NFIA: variants seen among roughly 807,000 people sequenced by gnomAD.
NFIA encodes the protein nuclear factor I A.
NFIA carries 8 observed loss-of-function variants against 62.8 expected under a neutral mutation model. That is an observed-to-expected ratio of 0.13 (90% CI 0.07 to 0.23). NFIA has a LOEUF of 0.23. NFIA is among the 10% of genes least tolerant of loss of function. NFIA has a pLI of 1.00. For synonymous variants in NFIA, 235 were observed against 238.1 expected, an observed-to-expected ratio of 0.99 and a Z score of 0.12; for missense variants, 410 against 642.1, an observed-to-expected ratio of 0.64 and a Z score of 3.91.
At chr1:61,421,021 C>A (rs950716760) in intron 9 of NFIA, among the ~76,000 whole-genome samples, 1 of 152,186 alleles carries the variant, frequency 6.6e-6, no homozygotes, top group South Asian at 2.1e-4. Flanking sequence ...TGCCTCTGTT[C>A]CTCCAATTGT....
intron 2 of NFIA, among the ~76,000 whole-genome samples, chr1:61,273,064 T>C (rs114303837): frequency 0.017 from 2,650 of 152,250 alleles, 59 homozygotes; most frequent in Non-Finnish European, 0.021. Flanking sequence ...TTGGTTGCTA[T>C]CGTGTTGATG....
chr1:61,383,126 G>C, intron 6 of NFIA, 111 bp from the exon 7 acceptor site: 2 of 1,346,916 alleles, frequency 1.5e-6, no homozygotes, highest in Non-Finnish European at 2.1e-6. Context: ...TTCATTCACA[G>C]GTGGATTTCT....
At chr1:61,455,173 T>C (rs1668242107) in intron 10 of NFIA, 130 bp from the exon 11 acceptor site, 1 of 839,482 alleles carries the variant, frequency 1.2e-6, no homozygotes, top group Non-Finnish European at 1.9e-6. Context: ...CTGTCGTGCC[T>C]TTACTTTTCC....
chr1:61,424,859 C>T (rs999570396), intron 9 of NFIA, among the ~76,000 whole-genome samples: 3 of 152,128 alleles, frequency 2.0e-5, no homozygotes, highest in Non-Finnish European at 4.4e-5. Context: ...TTAAATTACC[C>T]CCATACCAGT....
At chr1:61,346,417 T>C (rs1662230362) in intron 4 of NFIA, among the ~76,000 whole-genome samples, 1 of 152,236 alleles carries the variant, frequency 6.6e-6, no homozygotes, top group Admixed American at 6.5e-5. Context: ...TTTATTAGTT[T>C]CTTAATTTTC....
rs869046737 is a variant in NFIA, at chr1:61,347,165, C to CTTTTTTT, written c.701-5265_701-5259dup. ...TATTCAGAAACTGTCCTGGATCCCA[C>CTTTTTTT]TTTTTTTTTTTTTTTTTTTTTTTTT... On this transcript the variant is annotated intron_variant, in intron 4 of 10. Transcript: ENST00000403491. 3.5e-3 allele frequency among the ~76,000 whole-genome samples: 245 copies of CTTTTTTT among 70,132 alleles called. 18 individuals are homozygous for CTTTTTTT. Among genetic ancestry groups the CTTTTTTT allele is most frequent in the African/African-American group, 0.015 (232 of 15,282 alleles). The allele number at this position is 70,132 out of a possible 152,430, so 46.0% of individuals were successfully genotyped here.
intron 1 of NFIA, among the ~76,000 whole-genome samples, chr1:61,084,528 A>G (rs1646184382): frequency 6.6e-6 from 1 of 152,080 alleles, no homozygotes; most frequent in African/African-American, 2.4e-5. Flanking sequence ...TCACAATTGC[A>G]TATGGATAAG....
intron 6 of NFIA, among the ~76,000 whole-genome samples, chr1:61,364,925 G>C (rs1663501966): frequency 6.6e-6 from 1 of 152,168 alleles, no homozygotes; most frequent in Non-Finnish European, 1.5e-5. Context: ...ACTAAAAATA[G>C]AGAACCCTGG....
intron 5 of NFIA, among the ~76,000 whole-genome samples, chr1:61,352,834 A>G (rs1229633594): frequency 1.1e-4 from 16 of 152,134 alleles, no homozygotes. Context: ...CAGGCTAAAA[A>G]TAGTTAAAGA....
At chr1:61,091,513 C>T (rs1248777394) in intron 2 of NFIA, among the ~76,000 whole-genome samples, 1 of 152,100 alleles carries the variant, frequency 6.6e-6, no homozygotes, top group Admixed American at 6.5e-5. Flanking sequence ...ATTTCATAAG[C>T]CTGAGAATTT....
chr1:61,444,530 A>G (rs1481262042), intron 10 of NFIA, among the ~76,000 whole-genome samples: 2 of 152,204 alleles, frequency 1.3e-5, no homozygotes, highest in African/African-American at 4.8e-5. Flanking sequence ...GGAGTGTTTT[A>G]TTTAGTTTAA....
intron 2 of NFIA, among the ~76,000 whole-genome samples, chr1:61,241,431 T>C (rs1259277728): frequency 6.6e-6 from 1 of 152,200 alleles, no homozygotes; most frequent in Admixed American, 6.5e-5. Flanking sequence ...CAAGATTTAT[T>C]GGGGGTTATT....
At position 61,436,413 on chromosome 1, in the gene NFIA, G is replaced by A. The variant is rs569032173; in HGVS notation, c.1512+9857G>A. 2.6e-5 allele frequency among the ~76,000 whole-genome samples: 4 copies of A among 152,194 alleles called. No homozygotes were observed. The East Asian group carries it at 5.8e-4, about 22-fold the overall frequency. ...AAGTCCTTGCTTGTGAAAATCCTAT[G>A]CCCAAGAAATTGGCCTTACCGAATA... On this transcript the variant is annotated intron_variant, in intron 10 of 10. Transcript: ENST00000403491.
chr1:61,089,225 G>A (rs1646273727), intron 2 of NFIA, among the ~76,000 whole-genome samples: 1 of 152,176 alleles, frequency 6.6e-6, no homozygotes. Context: ...GGAATTCTTA[G>A]TGTTGTCTCA....
chr1:61,286,294 T>G (rs1329532864), intron 3 of NFIA, among the ~76,000 whole-genome samples: 1 of 151,436 alleles, frequency 6.6e-6, no homozygotes, highest in Non-Finnish European at 1.5e-5. Flanking sequence ...CGGGTGTGGT[T>G]GCAGGCGCCT....
At chr1:61,416,991 G>C (rs1666377452) in intron 9 of NFIA, among the ~76,000 whole-genome samples, 1 of 151,942 alleles carries the variant, frequency 6.6e-6, no homozygotes, top group Admixed American at 6.6e-5. Context: ...GGAAACCAAA[G>C]CAGGAAAAAG....
chr1:61,141,619 T>G (rs1647540696), intron 2 of NFIA, among the ~76,000 whole-genome samples: 1 of 152,216 alleles, frequency 6.6e-6, no homozygotes, highest in Non-Finnish European at 1.5e-5. Flanking sequence ...GGGAAAAATT[T>G]TATATCCTTT....
rs1397011618 is a variant in NFIA at position 61,359,347 on chromosome 1, G to T, written c.946+73G>T. 43 of 1,596,100 alleles carry T rather than the reference G, an allele frequency of 2.7e-5. No homozygotes were observed. The South Asian group carries it at 3.8e-4, about 14-fold the overall frequency. ...AAATACGTGTGGGGTCCCATGCCAC[G>T]CATAAAAGTGAAGAAAGAAAGCTCA... On this transcript the variant is annotated intron_variant, in intron 6 of 10. Transcript: ENST00000403491.
At chr1:61,289,020 T>C (rs1196408339) in intron 3 of NFIA, among the ~76,000 whole-genome samples, 1 of 152,194 alleles carries the variant, frequency 6.6e-6, no homozygotes, top group African/African-American at 2.4e-5. Flanking sequence ...TCCACCTGCC[T>C]CAACCTCTCA....
Sources: gnomAD v4.1 joint callset for allele counts (sites outside exome capture counted in the v4.1 genomes callset) on GRCh38, gnomAD v4.1.1 for gene constraint, MANE v1.5 for transcripts, NCBI Gene and HGNC (gene_info 2026-07-23, HGNC 2026-07-21) for gene names.